Variants in CYB5R3 observed in about 807,000 individuals in gnomAD.
The protein encoded by CYB5R3 is cytochrome b5 reductase 3.
CYB5R3 carries 28 observed loss-of-function variants against 36.5 expected under a neutral mutation model. The ratio of observed to expected loss-of-function variants is 0.77; its 90% CI spans 0.57 to 1.05. The LOEUF (loss-of-function observed/expected upper bound fraction) is 1.05. Among genes scored for constraint, CYB5R3 ranks in the 50% least tolerant of loss-of-function variants. The pLI is 0.00. For missense variants in CYB5R3, 474 were observed against 408.9 expected (o/e 1.16, Z -1.37); for synonymous variants, 181 against 159.8 (o/e 1.13, Z -1.00).
chr22:42,641,355 G>A (rs937934340), intron 1 of CYB5R3, among the ~76,000 whole-genome samples: 1 of 151,770 alleles, frequency 6.6e-6, no homozygotes, highest in Non-Finnish European at 1.5e-5. Context: ...GGCCCAGGCT[G>A]GAATGCAGTG....
At chr22:42,626,349 G>A (rs1928266466) in intron 7 of CYB5R3, among the ~76,000 whole-genome samples, 1 of 152,120 alleles carries the variant, frequency 6.6e-6, no homozygotes, top group Non-Finnish European at 1.5e-5. Context: ...TTGCATCCTG[G>A]TTTCAGCACT....
intron 1 of CYB5R3, 43 bp downstream of exon 1, chr22:42,649,252 C>A (rs999110405): frequency 3.7e-6 from 3 of 805,398 alleles, no homozygotes; most frequent in Admixed American, 5.4e-5. Flanking sequence ...GGGTCCCAGT[C>A]CCTCGCGACG....
Position 42,619,953 on chromosome 22 carries a change from G to A in CYB5R3, c.734-8C>T, listed in dbSNP as rs371034075. On this transcript the variant is annotated splice_region_variant and splice_polypyrimidine_tract_variant and intron_variant, in intron 8 of 8. Transcript: ENST00000352397. The stretch of plus-strand genomic sequence containing the variant: ...CCTGGCCGTAGTCCCAGGCTGTGGG[G>A]TGAGAGACCAGGTAAGCTGACGTGT... The A allele has an allele frequency of 8.3e-4, 1,314 of 1,591,450 alleles. 1 individual carries two copies. Among genetic ancestry groups the A allele is most frequent in the Non-Finnish European group, 1.1e-3 (1,266 of 1,168,430 alleles).
Position 42,630,882 on chromosome 22 carries a change from C to T in CYB5R3, c.333G>A (p.Lys111=), listed in dbSNP as rs751873013. ...CACAGTCATGACCCAGAGGCTTCACCTTGATGACCAGGTCCACGAAGCCCT... is the reference window on the plus strand; with the variant it reads ...CACAGTCATGACCCAGAGGCTTCACTTTGATGACCAGGTCCACGAAGCCCT... ...DDKGFVDLVI[K]VYFKDTHPKF... The change falls in exon 4 of 9, where the codon AAG becomes AAA. Residue 111 remains lysine (K), a splice_region_variant and synonymous_variant. Transcript: ENST00000352397. The T allele has an allele frequency of 5.6e-6, 9 of 1,611,710 alleles. No individual in the cohort carries two copies. Among genetic ancestry groups the T allele is most frequent in the Non-Finnish European group, 7.6e-6 (9 of 1,178,868 alleles).
chr22:42,631,208 C>T lies in CYB5R3; in HGVS notation c.226+170G>A, dbSNP rs1268699176. 5 of 776,584 alleles carry T rather than the reference C, an allele frequency of 6.4e-6. No homozygotes were observed. In the Admixed American group the frequency reaches 9.0e-5, roughly 14 times the overall value. The allele number at this position is 776,584 out of a possible 1,614,324, so 48.1% of individuals were successfully genotyped here. A position where few individuals can be genotyped will look rare whatever the true frequency, so the allele number is the denominator to read the frequency against. On this transcript the variant is annotated intron_variant, in intron 3 of 8. Coordinates refer to ENST00000352397, the MANE Select transcript of CYB5R3 (RefSeq NM_000398.7). The stretch of plus-strand genomic sequence containing the variant: ...GGTGCCACTGCCAGGGACTCTGGGC[C>T]TTCCCACTCTCATTCCAACAGACTC...
rs868725491 is a variant in CYB5R3, at chr22:42,623,866, C to T, written c.656G>A (p.Arg219Gln). ...GTTCCTGAGTTCCTCCAGCTCAGGT[C>T]GCAGCAGGATGTCCTTCTCGGTCTG... ...ANQTEKDILLRPELEELRNKH... is the reference protein window; with the variant it reads ...ANQTEKDILLQPELEELRNKH... The change falls in exon 8 of 9, where the codon CGA becomes CAA. Residue 219 changes from arginine (R) to glutamine (Q), a missense_variant. Arg to Gln is a conservative substitution (Grantham distance 43). Transcript: ENST00000352397. 11 of 1,614,130 alleles carry T rather than the reference C, an allele frequency of 6.8e-6. No individual in the cohort carries two copies. Among genetic ancestry groups the T allele is most frequent in the Admixed American group, 1.7e-5 (1 of 60,026 alleles).
intron 1 of CYB5R3, among the ~76,000 whole-genome samples, chr22:42,642,631 G>C (rs1929339805): frequency 6.6e-6 from 1 of 152,074 alleles, no homozygotes; most frequent in African/African-American, 2.4e-5. Context: ...GTAGAGACGG[G>C]GTTTCACTGC....
chr22:42,644,447 GCTCTCCT>G (rs1215692871), intron 1 of CYB5R3: 1 of 790,780 alleles, frequency 1.3e-6, no homozygotes, highest in Admixed American at 2.0e-5. Flanking sequence ...GTTCGCATAT[GCTCTCCT>G]CTCTGCCCCA....
intron 2 of CYB5R3, among the ~76,000 whole-genome samples, chr22:42,634,309 C>T (rs1235179468): frequency 2.7e-5 from 4 of 150,504 alleles, no homozygotes; most frequent in Non-Finnish European, 4.4e-5. Flanking sequence ...TGCAGTGAGC[C>T]GAGATCACAC....
At chr22:42,622,454 G>C (rs1313973771) in intron 8 of CYB5R3, among the ~76,000 whole-genome samples, 1 of 152,194 alleles carries the variant, frequency 6.6e-6, no homozygotes, top group Admixed American at 6.5e-5. Context: ...AGGTGGAGCA[G>C]CCGACCTGGA....
At chr22:42,625,164 G>A (rs1198030306) in intron 7 of CYB5R3, among the ~76,000 whole-genome samples, 1 of 152,128 alleles carries the variant, frequency 6.6e-6, no homozygotes, top group Non-Finnish European at 1.5e-5. Context: ...TGACTGTTAG[G>A]ATTTTTGTGT....
chr22:42,631,621 G>A, intron 2 of CYB5R3, 171 bp from the exon 3 acceptor site: 1 of 674,010 alleles, frequency 1.5e-6, no homozygotes, highest in Non-Finnish European at 2.7e-6. Flanking sequence ...GCACACACAT[G>A]CACGCTGCGT....
At chr22:42,631,592 G>A (rs902109612) in intron 2 of CYB5R3, 142 bp from the exon 3 acceptor site, 23 of 763,370 alleles carry the variant, frequency 3.0e-5, no homozygotes, top group Non-Finnish European at 3.9e-5. Context: ...AAGACGTGAC[G>A]CCGACGCCAA....
At position 42,627,778 on chromosome 22, in the gene CYB5R3, C is replaced by G. The variant is rs781242026; in HGVS notation, c.464-90G>C. On this transcript the variant is annotated intron_variant, in intron 5 of 8. Transcript: ENST00000352397. ...GGAGAGGGGGCTGGAGAACCTGCCC[C>G]CACTGTGAGGTCCGAGGTAGAGGCA... The G allele has an allele frequency of 1.0e-5, 10 of 984,162 alleles. No individual in the cohort carries two copies. The Admixed American group carries it at 1.6e-4, about 15-fold the overall frequency. 61.0% of individuals were successfully genotyped at this position (984,162 alleles called of 1,614,324 possible).
rs1023555162 is a variant in CYB5R3, at chr22:42,649,328, C to G, written c.-13G>C. The stretch of plus-strand genomic sequence containing the variant: ...GCTGGGCCCCCATGGTGGCCCCGCG[C>G]CGCGCTCGCTCTGTCGCCGCCGCCG... On this transcript the variant is annotated 5_prime_UTR_variant, in exon 1 of 9. Coordinates refer to ENST00000352397, the MANE Select transcript of CYB5R3 (RefSeq NM_000398.7). 1.4e-5 allele frequency: 14 copies of G among 1,014,774 alleles called. No individual in the cohort carries two copies. The highest frequency in any genetic ancestry group is 5.0e-5 in the Admixed American group (1 of 19,882). The allele number at this position is 1,014,774 out of a possible 1,614,324, so 62.9% of individuals were successfully genotyped here. A position where few individuals can be genotyped will look rare whatever the true frequency, so the allele number is the denominator to read the frequency against.
chr22:42,638,122 G>A (rs1928996672), intron 1 of CYB5R3, among the ~76,000 whole-genome samples: 1 of 151,988 alleles, frequency 6.6e-6, no homozygotes, highest in African/African-American at 2.4e-5. Context: ...TAGGCCCGGT[G>A]CAGTGGCTCA....
intron 1 of CYB5R3, chr22:42,647,093 C>T: frequency 2.1e-6 from 1 of 479,796 alleles, no homozygotes; most frequent in Non-Finnish European, 2.7e-6. Flanking sequence ...GCACCAGGCC[C>T]CCAGCCAGCC....
At chr22:42,642,578 A>T (rs1929337116) in intron 1 of CYB5R3, among the ~76,000 whole-genome samples, 1 of 152,168 alleles carries the variant, frequency 6.6e-6, no homozygotes, top group East Asian at 1.9e-4. Context: ...AGCTGGGACT[A>T]CAGGCGTTCG....
rs746223106 is a variant in CYB5R3, at chr22:42,627,387, T to C, written c.550A>G (p.Ile184Val). The change falls in exon 7 of 9, where the codon ATC becomes GTC. Residue 184 changes from isoleucine to valine, a missense_variant and splice_region_variant. Coordinates refer to ENST00000352397, the MANE Select transcript of CYB5R3 (RefSeq NM_000398.7). The stretch of plus-strand genomic sequence containing the variant: ...CGGATCACCTGCAGCATCGGGGTGA[T>C]GCCTGCAAAATAGCCGGCCGGGCCT... ...SVGMIAGGTG[I>V]TPMLQVIRAI... 1.9e-6 allele frequency: 3 copies of C among 1,613,748 alleles called. No individual in the cohort carries two copies. Among genetic ancestry groups the C allele is most frequent in the African/African-American group, 1.3e-5 (1 of 75,040 alleles).
Sources: allele counts gnomAD v4.1 joint callset (sites outside exome capture counted in the v4.1 genomes callset), GRCh38; gene constraint gnomAD v4.1.1; transcripts MANE v1.5; gene names NCBI Gene and HGNC (gene_info 2026-07-23, HGNC 2026-07-21).